The following CAMKMT variants were observed in gnomAD, a reference collection of about 807,000 sequenced individuals.
The protein encoded by CAMKMT is CaM KMT.
A neutral mutation model predicts 48.0 loss-of-function variants in CAMKMT; 53 were observed. That is an observed-to-expected ratio of 1.10 (90% CI 0.89 to 1.39). The LOEUF is 1.39. CAMKMT is among the 40% of genes most tolerant of loss of function. The pLI, the probability that CAMKMT is intolerant of heterozygous loss-of-function variation, is 0.00. For synonymous variants in CAMKMT, 165 were observed against 152.3 expected (o/e 1.08, Z -0.61); for missense variants, 428 against 402.7 (o/e 1.06, Z -0.54).
intron 3 of CAMKMT, among the ~76,000 whole-genome samples, chr2:44,533,252 T>G (rs1347627435): frequency 1.3e-5 from 2 of 152,032 alleles, no homozygotes; most frequent in Admixed American, 6.6e-5. Context: ...ATTTTTTTTT[T>G]TTTGAGACAG....
intron 3 of CAMKMT, among the ~76,000 whole-genome samples, chr2:44,425,491 C>A (rs1376232096): frequency 6.6e-6 from 1 of 152,068 alleles, no homozygotes; most frequent in African/African-American, 2.4e-5. Context: ...TTGATATGAA[C>A]TGTTTTGATT....
chr2:44,690,511 G>A (rs190164567), intron 3 of CAMKMT, among the ~76,000 whole-genome samples: 332 of 152,266 alleles, frequency 2.2e-3, no homozygotes, highest in Non-Finnish European at 4.2e-3. Context: ...TGGCTGTGCC[G>A]CTTCAGCTTA....
At position 44,519,160 on chromosome 2, in the gene CAMKMT, A is replaced by G. The variant is rs1572700067; in HGVS notation, c.376+128855A>G. 1.3e-5 allele frequency among the ~76,000 whole-genome samples: 2 copies of G among 152,350 alleles called. 1 individual carries two copies. Among genetic ancestry groups the G allele is most frequent in the Admixed American group, 1.3e-4 (2 of 15,314 alleles). ...TACTTCAGCATAATAGAGTGCTAGCAAAGTTGAAATTGCTGCTATTGTGTA... is the reference window on the plus strand; with the variant it reads ...TACTTCAGCATAATAGAGTGCTAGCGAAGTTGAAATTGCTGCTATTGTGTA... On this transcript the variant is annotated intron_variant, in intron 3 of 10. Coordinates refer to ENST00000378494, the MANE Select transcript of CAMKMT (RefSeq NM_024766.5).
At chr2:44,409,668 T>C (rs1169114980) in intron 3 of CAMKMT, among the ~76,000 whole-genome samples, 1 of 152,200 alleles carries the variant, frequency 6.6e-6, no homozygotes. Flanking sequence ...TGTGAGATCA[T>C]ACATTATGTC....
intron 7 of CAMKMT, among the ~76,000 whole-genome samples, chr2:44,720,674 A>T (rs917449227): frequency 6.6e-6 from 1 of 152,170 alleles, no homozygotes; most frequent in Non-Finnish European, 1.5e-5. Flanking sequence ...TACATAAATT[A>T]TACATTTGCA....
rs140746491 is a variant in CAMKMT at position 44,665,237 on chromosome 2, A to T, written c.377-39046A>T. ...AGGCACCCGCCATCATGCCCGGCTA[A>T]TTTTTGTATTTTTGGTAGAGACGGG... On this transcript the variant is annotated intron_variant, in intron 3 of 10. Coordinates refer to ENST00000378494, the MANE Select transcript of CAMKMT (RefSeq NM_024766.5). 1.6e-3 allele frequency among the ~76,000 whole-genome samples: 238 copies of T among 152,058 alleles called. 4 individuals carry two copies. The East Asian group carries it at 0.029, about 19-fold the overall frequency.
intron 3 of CAMKMT, among the ~76,000 whole-genome samples, chr2:44,567,778 C>A (rs571176661): frequency 6.6e-6 from 1 of 152,194 alleles, no homozygotes; most frequent in South Asian, 2.1e-4. Flanking sequence ...ATTTGGGAGC[C>A]AAACTAGACA....
At chr2:44,663,254 G>A (rs530494856) in intron 3 of CAMKMT, among the ~76,000 whole-genome samples, 45 of 152,172 alleles carry the variant, frequency 3.0e-4, no homozygotes, top group Middle Eastern at 3.4e-3. Context: ...TCCAATCTAG[G>A]ATCATGCATT....
intron 6 of CAMKMT, among the ~76,000 whole-genome samples, chr2:44,714,281 C>A (rs917675218): frequency 6.6e-6 from 1 of 152,146 alleles, no homozygotes; most frequent in African/African-American, 2.4e-5. Flanking sequence ...AAGCAACATC[C>A]CTTGATCTGC....
chr2:44,735,434 T>A (rs1679304464), intron 7 of CAMKMT, among the ~76,000 whole-genome samples: 1 of 152,198 alleles, frequency 6.6e-6, no homozygotes. Flanking sequence ...TTTCATCTTG[T>A]TCTGCTTGCT....
intron 7 of CAMKMT, 100 bp from the exon 8 acceptor site, chr2:44,743,522 T>C: frequency 1.3e-6 from 1 of 780,388 alleles, no homozygotes; most frequent in East Asian, 2.7e-5. Context: ...ATATACCTTT[T>C]AAATAATTTC....
chr2:44,397,451 T>A (rs891180033), intron 3 of CAMKMT, among the ~76,000 whole-genome samples: 1 of 152,230 alleles, frequency 6.6e-6, no homozygotes, highest in Non-Finnish European at 1.5e-5. Flanking sequence ...CATCGTAATG[T>A]ACATGTAGTC....
intron 7 of CAMKMT, among the ~76,000 whole-genome samples, chr2:44,742,923 A>C (rs1041388615): frequency 6.6e-6 from 1 of 152,230 alleles, no homozygotes; most frequent in Non-Finnish European, 1.5e-5. Context: ...ACGAATCATT[A>C]AAATACTTGA....
chr2:44,395,546 T>C (rs868285731), intron 3 of CAMKMT, among the ~76,000 whole-genome samples: 2 of 152,156 alleles, frequency 1.3e-5, no homozygotes, highest in Non-Finnish European at 2.9e-5. Flanking sequence ...TTAGAGTGGT[T>C]ATGGAAGGTA....
intron 8 of CAMKMT, among the ~76,000 whole-genome samples, chr2:44,746,978 G>C (rs1018078023): frequency 6.6e-6 from 1 of 152,102 alleles, no homozygotes; most frequent in Non-Finnish European, 1.5e-5. Context: ...GTTTATTGTA[G>C]CTCTGCAAAA....
At chr2:44,439,541 A>C (rs550045205) in intron 3 of CAMKMT, among the ~76,000 whole-genome samples, 1 of 152,018 alleles carries the variant, frequency 6.6e-6, no homozygotes, top group Non-Finnish European at 1.5e-5. Flanking sequence ...TACTGGATTC[A>C]AGAAATGCCA....
In CAMKMT at chr2:44,772,128, C is replaced by A; in HGVS notation, c.*15C>A. On this transcript the variant is annotated 3_prime_UTR_variant, in exon 11 of 11. Coordinates refer to ENST00000378494, the MANE Select transcript of CAMKMT (RefSeq NM_024766.5). Reference sequence around the variant, plus strand: ...AACATGGATAGAAGATTAAGCTTCTCAAAGACGAAGAAACGTATCAAGTGC... The same window carrying A: ...AACATGGATAGAAGATTAAGCTTCTAAAAGACGAAGAAACGTATCAAGTGC... 1 of 1,603,398 alleles carries A rather than the reference C, an allele frequency of 6.2e-7. No individual in the cohort carries two copies. The highest frequency in any genetic ancestry group is 1.1e-5 in the South Asian group (1 of 90,072).
chr2:44,727,521 T>G (rs1206383645), intron 7 of CAMKMT, among the ~76,000 whole-genome samples: 1 of 152,154 alleles, frequency 6.6e-6, no homozygotes. Flanking sequence ...TTTGGCAGAG[T>G]CTTTAGGATT....
chr2:44,384,230 G>A (rs1314861159), intron 2 of CAMKMT, among the ~76,000 whole-genome samples: 2 of 152,146 alleles, frequency 1.3e-5, no homozygotes, highest in Non-Finnish European at 2.9e-5. Context: ...CACTAGTGAT[G>A]TTGAGCATTT....
Sources: allele counts gnomAD v4.1 joint callset (sites outside exome capture counted in the v4.1 genomes callset), GRCh38; gene constraint gnomAD v4.1.1; transcripts MANE v1.5; gene names NCBI Gene and HGNC (gene_info 2026-07-23, HGNC 2026-07-21).